The following MVB12B variants were observed in gnomAD, a reference collection of about 807,000 sequenced individuals.
MVB12B encodes ESCRT-I complex subunit MVB12B.
MVB12B carries 16 observed loss-of-function variants against 41.6 expected under a neutral mutation model. The observed-to-expected ratio is 0.38, with a 90% CI of 0.26 to 0.58. MVB12B has a LOEUF of 0.58. Among genes scored for constraint, MVB12B ranks in the 20% least tolerant of loss-of-function variants. The pLI, the probability that MVB12B is intolerant of heterozygous loss-of-function variation, is 0.62. For missense variants in MVB12B, 274 were observed against 380.2 expected (o/e 0.72, Z 2.32); for synonymous variants, 133 against 139.7 (o/e 0.95, Z 0.34).
At chr9:126,354,266 A>G (rs545036320) in intron 2 of MVB12B, among the ~76,000 whole-genome samples, 6 of 152,280 alleles carry the variant, frequency 3.9e-5, no homozygotes, top group African/African-American at 1.2e-4. Context: ...CGGACTGTCA[A>G]TCTTTCAGTC....
intron 6 of MVB12B, chr9:126,396,961 G>T: frequency 2.0e-6 from 2 of 985,604 alleles, no homozygotes; most frequent in South Asian, 9.4e-5. Context: ...GCTCCGCCCT[G>T]GAGGGCACTG....
intron 2 of MVB12B, among the ~76,000 whole-genome samples, chr9:126,359,894 C>T (rs947927533): frequency 4.6e-5 from 7 of 151,882 alleles, no homozygotes; most frequent in African/African-American, 1.7e-4. Flanking sequence ...CTCAAAGAAC[C>T]AGCTTTTGGT....
At chr9:126,421,712 G>A (rs910761431) in intron 6 of MVB12B, 142 bp from the exon 7 acceptor site, 3 of 681,212 alleles carry the variant, frequency 4.4e-6, no homozygotes, top group African/African-American at 1.8e-5. Flanking sequence ...AGTTATGCTT[G>A]ATTGAGAAGG....
intron 9 of MVB12B, among the ~76,000 whole-genome samples, chr9:126,491,239 C>G (rs1375998754): frequency 2.0e-5 from 3 of 152,236 alleles, no homozygotes; most frequent in Non-Finnish European, 4.4e-5. Flanking sequence ...TTCTGCGGGT[C>G]TCTTCAAATA....
At chr9:126,332,195 A>AGTTCTTT (rs991198151) in intron 1 of MVB12B, among the ~76,000 whole-genome samples, 3 of 152,050 alleles carry the variant, frequency 2.0e-5, no homozygotes, top group African/African-American at 7.2e-5. Context: ...CAGGGAGGCC[A>AGTTCTTT]GTTCTTTGCT....
intron 6 of MVB12B, chr9:126,396,005 G>C (rs922053763): frequency 3.5e-5 from 40 of 1,136,038 alleles, no homozygotes; most frequent in Non-Finnish European, 4.2e-5. Context: ...GTGCTGTATA[G>C]CCATGGGGTT....
Position 126,484,015 on chromosome 9 carries a change from G to A in MVB12B, c.856G>A (p.Ala286Thr). The change falls in exon 9 of 10, where the codon GCA becomes ACA. Residue 286 changes from alanine (A) to threonine (T), a missense_variant. Coordinates refer to ENST00000361171, the MANE Select transcript of MVB12B (RefSeq NM_033446.3). ...CCTGGGAATCACCATCAAATCTCTAGCAGAAATCGAAAAAGAGGTAAGCAA... is the reference window on the plus strand; with the variant it reads ...CCTGGGAATCACCATCAAATCTCTAACAGAAATCGAAAAAGAGGTAAGCAA... The part of the protein sequence containing the change: ...DLLGITIKSL[A>T]EIEKEYEYSF... 3 of 1,613,992 alleles carry A rather than the reference G, an allele frequency of 1.9e-6. No homozygotes were observed. The highest frequency in any genetic ancestry group is 2.5e-6 in the Non-Finnish European group (3 of 1,180,012).
chr9:126,361,147 C>A lies in MVB12B; in HGVS notation c.205-19917C>A, dbSNP rs147512269. ...CCCATCTGTTGTTTTTTCCCCTTTTCCTATTTTTCCAACATTTTTTATTAA... is the reference window on the plus strand; with the variant it reads ...CCCATCTGTTGTTTTTTCCCCTTTTACTATTTTTCCAACATTTTTTATTAA... On this transcript the variant is annotated intron_variant, in intron 2 of 9. Coordinates refer to ENST00000361171, the MANE Select transcript of MVB12B (RefSeq NM_033446.3). Among the ~76,000 whole-genome samples the A allele has an allele frequency of 1.2e-3, 187 of 152,058 alleles. 1 individual carries two copies. The highest frequency in any genetic ancestry group is 4.4e-3 in the African/African-American group (183 of 41,500).
chr9:126,457,939 A>C (rs1289781607), intron 7 of MVB12B, among the ~76,000 whole-genome samples: 1 of 152,212 alleles, frequency 6.6e-6, no homozygotes, highest in African/African-American at 2.4e-5. Context: ...TTGTGCTTTC[A>C]AAGTATGTCT....
chr9:126,372,458 C>T (rs1830366292), intron 2 of MVB12B, among the ~76,000 whole-genome samples: 1 of 152,154 alleles, frequency 6.6e-6, no homozygotes, highest in African/African-American at 2.4e-5. Flanking sequence ...AGACTGTTTT[C>T]CAAAGTGGCT....
chr9:126,500,588 C>T (rs1229826873), intron 9 of MVB12B, among the ~76,000 whole-genome samples: 3 of 152,222 alleles, frequency 2.0e-5, no homozygotes, highest in East Asian at 1.9e-4. Flanking sequence ...CCCAGACCTA[C>T]CCAGTCAGAA....
Position 126,490,049 on chromosome 9 carries a change from G to A in MVB12B, c.873+6017G>A, listed in dbSNP as rs556525868. Reference sequence around the variant, plus strand: ...GTCTGTGTCCCAGAGCCTGGAAAGTGTAATTTCGCAGCCAGCGCCCATGAT... The same window carrying A: ...GTCTGTGTCCCAGAGCCTGGAAAGTATAATTTCGCAGCCAGCGCCCATGAT... On this transcript the variant is annotated intron_variant, in intron 9 of 9. Coordinates refer to ENST00000361171, the MANE Select transcript of MVB12B (RefSeq NM_033446.3). Among the ~76,000 whole-genome samples, 220 of 152,332 alleles carry A rather than the reference G, an allele frequency of 1.4e-3. 1 individual carries two copies. The highest frequency in any genetic ancestry group is 5.2e-3 in the African/African-American group (215 of 41,572).
Position 126,392,885 on chromosome 9 carries a change from T to C in MVB12B, c.539+690T>C, listed in dbSNP as rs553252124. ...CAGCTGGAAGAGCCAGGGACAATGT[T>C]GGGACAAGGGCGAGGGTTGGCAGGA... On this transcript the variant is annotated intron_variant, in intron 5 of 9. Transcript: ENST00000361171. This position sits in a 1 kb window ranked among gnomAD's most constrained non-coding sequence, Gnocchi z 4.8. Among the ~76,000 whole-genome samples, 5 of 152,198 alleles carry C rather than the reference T, an allele frequency of 3.3e-5. No homozygotes were observed. The highest frequency in any genetic ancestry group is 5.9e-5 in the Non-Finnish European group (4 of 68,040).
At chr9:126,487,565 G>C (rs1469224872) in intron 9 of MVB12B, among the ~76,000 whole-genome samples, 1 of 152,206 alleles carries the variant, frequency 6.6e-6, no homozygotes, top group Non-Finnish European at 1.5e-5. Context: ...TTTGAGACCA[G>C]CCTGGCCAAC....
At chr9:126,422,008 T>G (rs1198708016) in intron 7 of MVB12B, 60 bp downstream of exon 7, 9 of 1,161,780 alleles carry the variant, frequency 7.7e-6, no homozygotes, top group African/African-American at 3.1e-5. Flanking sequence ...GCCACCTCCT[T>G]CCACACGTTC....
chr9:126,375,400 G>T (rs1830454104), intron 2 of MVB12B, among the ~76,000 whole-genome samples: 1 of 119,206 alleles, frequency 8.4e-6, no homozygotes, highest in African/African-American at 3.3e-5. Context: ...AGCCTTAGGT[G>T]CATTGTTTTC....
intron 3 of MVB12B, among the ~76,000 whole-genome samples, chr9:126,382,465 T>C (rs1218842531): frequency 6.6e-6 from 1 of 152,216 alleles, no homozygotes; most frequent in Non-Finnish European, 1.5e-5. Flanking sequence ...CACAAAAGTC[T>C]GGAAATCTTT....
chr9:126,401,289 G>A (rs1044392630), intron 6 of MVB12B, among the ~76,000 whole-genome samples: 10 of 152,350 alleles, frequency 6.6e-5, no homozygotes, highest in East Asian at 1.9e-4. Flanking sequence ...TGGGTTGCCC[G>A]TAGGAGGTGA....
chr9:126,406,621 A>T (rs951210731), intron 6 of MVB12B, among the ~76,000 whole-genome samples: 1 of 152,236 alleles, frequency 6.6e-6, no homozygotes, highest in African/African-American at 2.4e-5. Context: ...AGACTCTTTA[A>T]ATATTTCAGT....
Sources: allele counts gnomAD v4.1 joint callset (sites outside exome capture counted in the v4.1 genomes callset), GRCh38; gene constraint gnomAD v4.1.1; non-coding constraint Gnocchi (gnomAD v3.1); transcripts MANE v1.5; gene names NCBI Gene and HGNC (gene_info 2026-07-23, HGNC 2026-07-21).